The following DACH2 variants were observed in gnomAD, a reference collection of about 807,000 sequenced individuals.
The protein encoded by DACH2 is dachshund family transcription factor 2, also known as dachshund homolog 2.
DACH2 carries 17 observed loss-of-function variants against 35.8 expected under a neutral mutation model. That is an observed-to-expected ratio of 0.48 (90% CI 0.33 to 0.71). The LOEUF (loss-of-function observed/expected upper bound fraction) is 0.71, where lower values mean the gene tolerates loss of function less well. DACH2 is among the 30% of genes least tolerant of loss of function. The pLI is 0.02. For synonymous variants in DACH2, 195 were observed against 177.3 expected, an observed-to-expected ratio of 1.10 and a Z score of -0.79; for missense variants, 469 against 472.7, an observed-to-expected ratio of 0.99 and a Z score of 0.07.
chrX:86,284,764 G>A (rs184727189), intron 1 of DACH2, among the ~76,000 whole-genome samples: 1 of 110,647 alleles, frequency 9.0e-6, no homozygotes, highest in Non-Finnish European at 1.9e-5. Context: ...GTTCAGCTTC[G>A]ATCTCATTTC....
At chrX:86,467,866 C>T (rs1003691917) in intron 2 of DACH2, among the ~76,000 whole-genome samples, 2 of 111,305 alleles carry the variant, frequency 1.8e-5, no homozygotes, top group Non-Finnish European at 3.8e-5. Context: ...CTTGTAAAAC[C>T]GTCAGATCTC....
chrX:86,221,537 C>T (rs1250744549), intron 1 of DACH2, among the ~76,000 whole-genome samples: 4 of 111,893 alleles, frequency 3.6e-5, no homozygotes, highest in African/African-American at 1.3e-4. Flanking sequence ...ACTGCTTTGG[C>T]TAAACAGTTG....
chrX:86,277,000 G>A (rs2033927749), intron 1 of DACH2, among the ~76,000 whole-genome samples: 1 of 111,528 alleles, frequency 9.0e-6, no homozygotes, highest in South Asian at 3.7e-4. Context: ...CTTAGAATAG[G>A]TTGGGCTGTT....
intron 1 of DACH2, among the ~76,000 whole-genome samples, chrX:86,326,481 TTATACA>T (rs113636433): frequency 0.092 from 9,035 of 97,886 alleles, 369 homozygotes; most frequent in South Asian, 0.29. Context: ...AGTTAAAAAA[TTATACA>T]TACACACACA....
intron 3 of DACH2, among the ~76,000 whole-genome samples, chrX:86,598,178 A>T (rs752174925): frequency 5.4e-5 from 6 of 111,960 alleles, no homozygotes; most frequent in Non-Finnish European, 9.4e-5. Context: ...GGGTGGGGAC[A>T]CAGCCAAACC....
intron 3 of DACH2, among the ~76,000 whole-genome samples, chrX:86,527,960 C>T (rs780467138): frequency 2.3e-4 from 26 of 111,986 alleles, no homozygotes; most frequent in African/African-American, 8.1e-4. Flanking sequence ...GTAAGTCATA[C>T]TTTGTTTGAT....
chrX:86,815,114 A>G (rs987143196), intron 10 of DACH2, among the ~76,000 whole-genome samples: 1 of 111,777 alleles, frequency 8.9e-6, no homozygotes, highest in Non-Finnish European at 1.9e-5. Flanking sequence ...AATAACACTG[A>G]TAACCACCCT....
In DACH2 at chrX:86,231,348, T is replaced by A. The variant is rs948039691; in HGVS notation, c.488+82240T>A. ...GAGCCCTAGAGTTCCCAAGATTATA[T>A]GTCCTTTGTCTTCGGCTACCAGAGT... On this transcript the variant is annotated intron_variant, in intron 1 of 11. Coordinates refer to ENST00000373125, the MANE Select transcript of DACH2 (RefSeq NM_053281.3). Among the ~76,000 whole-genome samples, 7 of 111,713 alleles carry A rather than the reference T, an allele frequency of 6.3e-5. No homozygotes were observed. The East Asian group carries it at 1.7e-3, about 27-fold the overall frequency.
chrX:86,658,613 G>A (rs2040570528), intron 4 of DACH2, among the ~76,000 whole-genome samples: 1 of 111,207 alleles, frequency 9.0e-6, no homozygotes, highest in African/African-American at 3.3e-5. Flanking sequence ...ATTGTTTTAG[G>A]AAATTAGTCT....
At chrX:86,634,202 C>T (rs2040235513) in intron 3 of DACH2, among the ~76,000 whole-genome samples, 1 of 111,507 alleles carries the variant, frequency 9.0e-6, no homozygotes, top group African/African-American at 3.3e-5. Context: ...GGAAAATTCA[C>T]CCCCATTATC....
At chrX:86,170,861 G>A (rs1305979802) in intron 1 of DACH2, among the ~76,000 whole-genome samples, 1 of 112,340 alleles carries the variant, frequency 8.9e-6, no homozygotes, top group Admixed American at 9.4e-5. Context: ...TTAGGGAGAC[G>A]TGAGACCTCA....
chrX:86,714,816 G>A (rs1264509909), intron 6 of DACH2, 96 bp downstream of exon 6: 2 of 781,358 alleles, frequency 2.6e-6, no homozygotes, highest in African/African-American at 4.2e-5. Context: ...TAGTAACTCA[G>A]CTCATTGACT....
At chrX:86,412,577 T>C (rs774604245) in intron 2 of DACH2, among the ~76,000 whole-genome samples, 1 of 111,859 alleles carries the variant, frequency 8.9e-6, no homozygotes, top group African/African-American at 3.3e-5. Context: ...CACAATTCTT[T>C]AGCCATAAAG....
At chrX:86,568,916 C>G (rs17004180) in intron 3 of DACH2, among the ~76,000 whole-genome samples, 5,545 of 111,368 alleles carry the variant, frequency 0.05, 117 homozygotes, top group Middle Eastern at 0.11. Context: ...TTGATCACTT[C>G]CGATTTCACC....
chrX:86,722,197 G>A (rs1215006448), intron 6 of DACH2, among the ~76,000 whole-genome samples: 1 of 111,529 alleles, frequency 9.0e-6, no homozygotes, highest in African/African-American at 3.3e-5. Flanking sequence ...ATTGTTTTGA[G>A]GTATTTTCCT....
chrX:86,268,013 G>A (rs1261452966), intron 1 of DACH2, among the ~76,000 whole-genome samples: 2 of 111,960 alleles, frequency 1.8e-5, no homozygotes, highest in Admixed American at 9.5e-5. Context: ...ATGTCTATGT[G>A]TTTGTAATTG....
Position 86,832,189 on chromosome X carries a change from C to T in DACH2, c.*34C>T. The T allele has an allele frequency of 1.9e-6, 2 of 1,065,256 alleles. No individual in the cohort carries two copies. The allele number at this position is 1,065,256 out of a possible 1,213,427, so 87.8% of individuals were successfully genotyped here. A position where few individuals can be genotyped will look rare whatever the true frequency, so the allele number is the denominator to read the frequency against. On this transcript the variant is annotated 3_prime_UTR_variant, in exon 12 of 12. Coordinates refer to ENST00000373125, the MANE Select transcript of DACH2 (RefSeq NM_053281.3). ...CGCTGGCTTTACATAAATGAAGATG[C>T]TTGTGATTCCAGTTTATCTCTGAAA...
At chrX:86,190,334 C>G (rs1279341992) in intron 1 of DACH2, among the ~76,000 whole-genome samples, 1 of 111,496 alleles carries the variant, frequency 9.0e-6, no homozygotes, top group Non-Finnish European at 1.9e-5. Flanking sequence ...AACTTCTATA[C>G]TAATTCCTCC....
intron 1 of DACH2, among the ~76,000 whole-genome samples, chrX:86,253,484 T>C (rs1257988106): frequency 8.9e-6 from 1 of 112,139 alleles, no homozygotes; most frequent in African/African-American, 3.2e-5. Context: ...TGCATGTTGA[T>C]GTGCAAATTT....
Sources: allele counts gnomAD v4.1 joint callset (sites outside exome capture counted in the v4.1 genomes callset), GRCh38; gene constraint gnomAD v4.1.1; transcripts MANE v1.5; gene names NCBI Gene and HGNC (gene_info 2026-07-23, HGNC 2026-07-21).